ANKRD13C: variants seen among roughly 807,000 people sequenced by gnomAD.
ANKRD13C encodes ankyrin repeat domain 13C.
A neutral mutation model predicts 65.5 loss-of-function variants in ANKRD13C; 16 were observed. That is an observed-to-expected ratio of 0.24 (90% confidence interval 0.17 to 0.37). The LOEUF (loss-of-function observed/expected upper bound fraction) is 0.37, where lower values mean the gene tolerates loss of function less well. ANKRD13C is among the 10% of genes least tolerant of loss of function. ANKRD13C has a pLI of 1.00. For missense variants in ANKRD13C, 503 were observed against 655.9 expected (o/e 0.77, Z 2.55); for synonymous variants, 235 against 238.7 (o/e 0.98, Z 0.14).
chr1:70,337,019 G>A (rs1217170796), intron 1 of ANKRD13C, among the ~76,000 whole-genome samples: 2 of 152,030 alleles, frequency 1.3e-5, no homozygotes, highest in Admixed American at 1.3e-4. Context: ...TTTTACGAAA[G>A]TCATCACATT....
chr1:70,354,489 T>C lies in ANKRD13C; in HGVS notation c.-81A>G. 6.7e-7 allele frequency: 1 copy of C among 1,497,994 alleles called. No individual in the cohort carries two copies. The highest frequency in any genetic ancestry group is 8.9e-7 in the Non-Finnish European group (1 of 1,127,056). 92.8% of individuals were successfully genotyped at this position (1,497,994 alleles called of 1,614,324 possible). A position where few individuals can be genotyped will look rare whatever the true frequency, so the allele number is the denominator to read the frequency against. ...TGGCGCTGCGGCGGCACAAGGCGAT[T>C]AGAGCGGTGGCCAAGAGCCTCCAGC... On this transcript the variant is annotated 5_prime_UTR_variant, in exon 1 of 13. It removes the in-frame stop codon of an upstream open reading frame in the 5' UTR. Transcript: ENST00000370944.
chr1:70,340,801 G>A (rs558195966), intron 1 of ANKRD13C, among the ~76,000 whole-genome samples: 3 of 152,108 alleles, frequency 2.0e-5, no homozygotes, highest in Non-Finnish European at 4.4e-5. Context: ...CTTTTTCTCA[G>A]ATAATGTTTT....
At chr1:70,286,812 C>T (rs1173453363) in intron 9 of ANKRD13C, among the ~76,000 whole-genome samples, 4 of 152,074 alleles carry the variant, frequency 2.6e-5, no homozygotes, top group Non-Finnish European at 4.4e-5. Flanking sequence ...ATGGCGAAAC[C>T]CTGTCTCCAC....
chr1:70,341,363 G>GT (rs35739788), intron 1 of ANKRD13C, among the ~76,000 whole-genome samples: 2,972 of 109,166 alleles, frequency 0.027, 145 homozygotes, highest in African/African-American at 0.079. Flanking sequence ...CTTTTTGTGT[G>GT]TTTTTTTTTT....
chr1:70,300,495 G>A (rs1337071151), intron 7 of ANKRD13C, among the ~76,000 whole-genome samples: 1 of 152,114 alleles, frequency 6.6e-6, no homozygotes, highest in African/African-American at 2.4e-5. Flanking sequence ...GGCTGAGGCT[G>A]AAGAATTGCT....
intron 12 of ANKRD13C, among the ~76,000 whole-genome samples, chr1:70,268,836 T>C (rs563603878): frequency 6.6e-6 from 1 of 152,256 alleles, no homozygotes; most frequent in South Asian, 2.1e-4. Flanking sequence ...TCTGAAAACA[T>C]GTAATTGTGT....
Position 70,276,847 on chromosome 1 carries a change from GCC to G in ANKRD13C, c.1216-5_1216-4del. On this transcript the variant is annotated splice_polypyrimidine_tract_variant and splice_region_variant and intron_variant, in intron 9 of 12. Coordinates refer to ENST00000370944, the MANE Select transcript of ANKRD13C (RefSeq NM_030816.5). ...GTAAGAGACTGTCTTCGAATCGGCT[GCC>G]AAAAAAAAAAAAGAAAGAAAGTGGG... 2 of 1,571,796 alleles carry G rather than the reference GCC, an allele frequency of 1.3e-6. No homozygotes were observed. The highest frequency in any genetic ancestry group is 1.7e-6 in the Non-Finnish European group (2 of 1,164,878).
intron 9 of ANKRD13C, among the ~76,000 whole-genome samples, chr1:70,281,745 A>C (rs1038520901): frequency 2.0e-5 from 3 of 151,690 alleles, no homozygotes; most frequent in Non-Finnish European, 4.4e-5. Flanking sequence ...TGATGTGTAC[A>C]ACTTCAGAAT....
chr1:70,341,634 A>C (rs1386100776), intron 1 of ANKRD13C, among the ~76,000 whole-genome samples: 2 of 152,146 alleles, frequency 1.3e-5, no homozygotes, highest in African/African-American at 4.8e-5. Context: ...TGATGGGATT[A>C]CAAGCATGAG....
chr1:70,347,767 T>G (rs1682591690), intron 1 of ANKRD13C, among the ~76,000 whole-genome samples: 1 of 152,086 alleles, frequency 6.6e-6, no homozygotes, highest in Admixed American at 6.6e-5. Flanking sequence ...AAGATGACAT[T>G]CATCTAATAA....
intron 9 of ANKRD13C, among the ~76,000 whole-genome samples, chr1:70,282,302 G>A (rs534178752): frequency 7.9e-5 from 12 of 151,728 alleles, no homozygotes; most frequent in East Asian, 2.0e-4. Flanking sequence ...TGATTTGCCC[G>A]CCTCAGCCTC....
At chr1:70,304,191 G>A (rs1189064681) in intron 6 of ANKRD13C, among the ~76,000 whole-genome samples, 1 of 152,006 alleles carries the variant, frequency 6.6e-6, no homozygotes, top group Non-Finnish European at 1.5e-5. Flanking sequence ...ACAAGTGCGT[G>A]CCACCATGCC....
At chr1:70,293,444 T>C (rs776631820) in intron 8 of ANKRD13C, 30 of 564,930 alleles carry the variant, frequency 5.3e-5, no homozygotes, top group Non-Finnish European at 6.3e-5. Context: ...AAGCAAAGCA[T>C]TCTGCACCTG....
rs1680370324 is a variant in ANKRD13C at position 70,301,864 on chromosome 1, CA to C, written c.777-957del. On this transcript the variant is annotated intron_variant, in intron 6 of 12. Coordinates refer to ENST00000370944, the MANE Select transcript of ANKRD13C (RefSeq NM_030816.5). Reference sequence around the variant, plus strand: ...ATAAATCACCAGATCAGGATCACCCCAGCTAATGGCTGCTCAAAACACACAG... The same window carrying C: ...ATAAATCACCAGATCAGGATCACCCCGCTAATGGCTGCTCAAAACACACAG... Among the ~76,000 whole-genome samples the C allele has an allele frequency of 2.6e-5, 4 of 152,216 alleles. No homozygotes were observed. The South Asian group carries it at 8.3e-4, about 31-fold the overall frequency.
intron 8 of ANKRD13C, among the ~76,000 whole-genome samples, chr1:70,294,488 A>G (rs1679993655): frequency 6.6e-6 from 1 of 152,208 alleles, no homozygotes; most frequent in African/African-American, 2.4e-5. Context: ...ATTACCCTAC[A>G]TAATGTGAGT....
chr1:70,335,679 C>A (rs1242371726), intron 2 of ANKRD13C, among the ~76,000 whole-genome samples: 2 of 149,634 alleles, frequency 1.3e-5, no homozygotes, highest in Non-Finnish European at 3.0e-5. Flanking sequence ...AAAGGCTCAA[C>A]TTATGACTTT....
At chr1:70,310,122 G>T (rs189593739) in intron 5 of ANKRD13C, among the ~76,000 whole-genome samples, 1 of 152,240 alleles carries the variant, frequency 6.6e-6, no homozygotes, top group East Asian at 1.9e-4. Flanking sequence ...GAATATTTCA[G>T]TTACCTTCAA....
At chr1:70,320,682 T>A (rs776041488) in intron 3 of ANKRD13C, among the ~76,000 whole-genome samples, 45 of 152,154 alleles carry the variant, frequency 3.0e-4, no homozygotes, top group Admixed American at 9.8e-4. Context: ...CTTTTCCCTA[T>A]AATTCCTAAT....
chr1:70,296,331 A>G, intron 7 of ANKRD13C, 70 bp from the exon 8 acceptor site: 1 of 1,448,516 alleles, frequency 6.9e-7, no homozygotes, highest in Non-Finnish European at 9.4e-7. Context: ...ACATATGAAA[A>G]TATCAACAAT....
Sources: gnomAD v4.1 joint callset for allele counts (sites outside exome capture counted in the v4.1 genomes callset) on GRCh38, gnomAD v4.1.1 for gene constraint, MANE v1.5 for transcripts, NCBI Gene and HGNC (gene_info 2026-07-23, HGNC 2026-07-21) for gene names.